The following CDC42BPA variants were observed in gnomAD, a reference collection of about 807,000 sequenced individuals.
The protein encoded by CDC42BPA is serine/threonine-protein kinase MRCK alpha.
CDC42BPA carries 80 observed loss-of-function variants against 223.5 expected under a neutral mutation model. That is an observed-to-expected ratio of 0.36 (90% CI 0.30 to 0.43). The LOEUF (loss-of-function observed/expected upper bound fraction) is 0.43. CDC42BPA is among the 20% of genes least tolerant of loss of function. The probability of loss-of-function intolerance (pLI) is 1.00; values close to 1 mark genes in which losing one functional copy is unlikely to be tolerated. For synonymous variants in CDC42BPA, 694 were observed against 718.6 expected (o/e 0.97, Z 0.55); for missense variants, 1,743 against 2,099.9 (o/e 0.83, Z 3.32).
intron 9 of CDC42BPA, among the ~76,000 whole-genome samples, chr1:227,142,229 T>C (rs1659809104): frequency 6.6e-6 from 1 of 152,114 alleles, no homozygotes; most frequent in Non-Finnish European, 1.5e-5. Flanking sequence ...TGAAATGGCA[T>C]ACAAGGAGTG....
At chr1:227,298,385 A>G (rs1691079295) in intron 1 of CDC42BPA, among the ~76,000 whole-genome samples, 1 of 152,144 alleles carries the variant, frequency 6.6e-6, no homozygotes, top group Non-Finnish European at 1.5e-5. Flanking sequence ...CCTCAGGTAA[A>G]TAGTTTCTTT....
At chr1:227,197,856 GTTA>G (rs1373392474) in intron 4 of CDC42BPA, among the ~76,000 whole-genome samples, 3 of 152,132 alleles carry the variant, frequency 2.0e-5, no homozygotes, top group South Asian at 2.1e-4. Flanking sequence ...TCTTACAAAT[GTTA>G]TTAACAAACC....
intron 5 of CDC42BPA, among the ~76,000 whole-genome samples, chr1:227,163,882 G>A (rs996105127): frequency 2.6e-5 from 4 of 151,848 alleles, no homozygotes; most frequent in Admixed American, 2.0e-4. Context: ...TAAATCTACC[G>A]GGGATTAATT....
At chr1:227,196,529 C>T (rs1670771023) in intron 4 of CDC42BPA, among the ~76,000 whole-genome samples, 1 of 151,380 alleles carries the variant, frequency 6.6e-6, no homozygotes, top group Admixed American at 6.6e-5. Flanking sequence ...TTAGTAGAGA[C>T]CGGGTTTCAC....
intron 2 of CDC42BPA, among the ~76,000 whole-genome samples, chr1:227,219,824 T>C (rs1030854265): frequency 1.3e-5 from 2 of 152,172 alleles, no homozygotes; most frequent in African/African-American, 4.8e-5. Flanking sequence ...CAGGAATGAA[T>C]AAGCAGTAAA....
chr1:227,113,068 G>A (rs1249111362), intron 12 of CDC42BPA, among the ~76,000 whole-genome samples, 155 bp from the exon 13 acceptor site: 1 of 152,152 alleles, frequency 6.6e-6, no homozygotes, highest in Admixed American at 6.5e-5. Context: ...GATATTAACG[G>A]CATGGTGTCC....
intron 12 of CDC42BPA, among the ~76,000 whole-genome samples, chr1:227,116,210 A>T (rs933140577): frequency 4.6e-5 from 7 of 152,240 alleles, no homozygotes; most frequent in Non-Finnish European, 1.0e-4. Flanking sequence ...TCACAGTATT[A>T]TAAGAAATTT....
intron 34 of CDC42BPA, among the ~76,000 whole-genome samples, chr1:227,009,610 T>C (rs879938614): frequency 6.6e-6 from 1 of 152,052 alleles, no homozygotes; most frequent in Non-Finnish European, 1.5e-5. Context: ...AAATGGGGTC[T>C]CGCTATGGTT....
intron 15 of CDC42BPA, among the ~76,000 whole-genome samples, chr1:227,100,773 TGTGTGC>T (rs1479201864): frequency 2.3e-5 from 3 of 130,740 alleles, no homozygotes; most frequent in East Asian, 3.5e-4. Context: ...TGTGTGTGTG[TGTGTGC>T]GTGTGCCATC....
intron 23 of CDC42BPA, among the ~76,000 whole-genome samples, chr1:227,044,396 CCA>C (rs1476214516): frequency 1.3e-5 from 2 of 150,632 alleles, no homozygotes; most frequent in Non-Finnish European, 3.0e-5. Flanking sequence ...ATATTTATTC[CCA>C]GTCACAAAAA....
chr1:227,221,145 T>C (rs1408055875), intron 2 of CDC42BPA, among the ~76,000 whole-genome samples: 1 of 152,210 alleles, frequency 6.6e-6, no homozygotes, highest in Non-Finnish European at 1.5e-5. Context: ...CTCATCTGCT[T>C]TACCCTTTCT....
In CDC42BPA at chr1:227,147,398, T is replaced by C. The variant is rs369089249; in HGVS notation, c.855A>G (p.Glu285=). The change falls in exon 7 of 37, where the codon GAA becomes GAG. Residue 285 remains glutamate (E), a synonymous_variant. Coordinates refer to ENST00000366766, the MANE Select transcript of CDC42BPA (RefSeq NM_001394014.1). ...MLYGETPFYA[E]SLVETYGKIM... ...TTTTTCCGTATGTCTCCACCAGCGA[T>C]TCTGCATAAAATGGTGTTTCTCCGT... 4.3e-6 allele frequency: 7 copies of C among 1,612,526 alleles called. No homozygotes were observed. The African/African-American group carries it at 6.7e-5, about 15-fold the overall frequency.
chr1:227,058,668 G>C, intron 21 of CDC42BPA, among the ~76,000 whole-genome samples: 1 of 152,114 alleles, frequency 6.6e-6, no homozygotes, highest in Non-Finnish European at 1.5e-5. Context: ...TTGTAGCACA[G>C]AGGTAGTGGC....
chr1:227,054,459 TTA>T (rs1189192274), intron 21 of CDC42BPA, among the ~76,000 whole-genome samples: 3 of 149,962 alleles, frequency 2.0e-5, no homozygotes, highest in Non-Finnish European at 4.5e-5. Context: ...TAATGGAAGG[TTA>T]TATCATGAAA....
chr1:227,221,375 C>G (rs1039313326), intron 2 of CDC42BPA, among the ~76,000 whole-genome samples: 6 of 152,170 alleles, frequency 3.9e-5, no homozygotes, highest in African/African-American at 1.4e-4. Context: ...TAGTTGCCTA[C>G]TGGTCATCTC....
At chr1:227,182,549 C>T (rs1037691899) in intron 5 of CDC42BPA, among the ~76,000 whole-genome samples, 1 of 152,118 alleles carries the variant, frequency 6.6e-6, no homozygotes, top group African/African-American at 2.4e-5. Context: ...CACCAGCTTC[C>T]CCCAATGGTA....
chr1:227,296,493 G>A (rs1286518662), intron 1 of CDC42BPA, among the ~76,000 whole-genome samples: 10 of 152,022 alleles, frequency 6.6e-5, no homozygotes, highest in Non-Finnish European at 1.3e-4. Context: ...ATCACTTGAG[G>A]TCAGGAGTTC....
rs578215777 is a variant in CDC42BPA, at chr1:227,317,470, A to G, written c.-288T>C. The G allele has an allele frequency of 4.0e-5, 16 of 398,918 alleles. No homozygotes were observed. The highest frequency in any genetic ancestry group is 6.2e-5 in the Non-Finnish European group (14 of 227,182). The allele number at this position is 398,918 out of a possible 1,614,324, so 24.7% of individuals were successfully genotyped here. On this transcript the variant is annotated 5_prime_UTR_variant, in exon 1 of 37. Coordinates refer to ENST00000366766, the MANE Select transcript of CDC42BPA (RefSeq NM_001394014.1). ...ATTAAGTCGTATATTTAAATAAAAT[A>G]ATAATTAAAAGTACAACGAACTAGA...
In CDC42BPA at chr1:227,132,816, G is replaced by A. The variant is rs531722783; in HGVS notation, c.1391-3585C>T. 2.9e-4 allele frequency among the ~76,000 whole-genome samples: 44 copies of A among 149,512 alleles called. No homozygotes were observed. In the South Asian group the frequency reaches 6.9e-3, roughly 23 times the overall value. ...TGGGATGTGAGGAGCGCCTCTGCCC[G>A]GCCGCAACCCCGTCTGGGAGGTGAG... On this transcript the variant is annotated intron_variant, in intron 10 of 36. Transcript: ENST00000366766.
Sources: gnomAD v4.1 joint callset for allele counts (sites outside exome capture counted in the v4.1 genomes callset) on GRCh38, gnomAD v4.1.1 for gene constraint, MANE v1.5 for transcripts, NCBI Gene and HGNC (gene_info 2026-07-23, HGNC 2026-07-21) for gene names.